Variants in TAOK2 observed in about 807,000 individuals in gnomAD.
The protein encoded by TAOK2 is TAO kinase 2.
In TAOK2, 42 loss-of-function variants were observed where a neutral mutation model predicts 122.5. The ratio of observed to expected loss-of-function variants is 0.34; its 90% CI spans 0.27 to 0.44. The LOEUF (loss-of-function observed/expected upper bound fraction) is 0.44, where lower values mean the gene tolerates loss of function less well. Among genes scored for constraint, TAOK2 ranks in the 20% least tolerant of loss-of-function variants. The pLI is 1.00. For missense variants in TAOK2, 1,264 were observed against 1,644.9 expected (o/e 0.77, Z 4.01); for synonymous variants, 704 against 677.6 (o/e 1.04, Z -0.61).
chr16:29,983,157 C>T lies in TAOK2; in HGVS notation c.1085C>T (p.Ser362Phe). Residue 362 changes from serine (S) to phenylalanine (F), a missense_variant, in exon 12 of 16, where the codon TCC becomes TTC. Around this residue, in one of 4 missense-constraint regions of TAOK2, gnomAD observed 254 missense variants for 503.8 expected, o/e 0.50. Transcript: ENST00000308893. ...GTGCCCAGCATGTCCATCAGCGCCT[C>T]CAGCCAGAGCAGCTCCGTCAACAGC... ...HSVPSMSISA[S>F]SQSSSVNSLA... 1 of 1,614,098 alleles carries T rather than the reference C, an allele frequency of 6.2e-7. No homozygotes were observed. The highest frequency in any genetic ancestry group is 8.5e-7 in the Non-Finnish European group (1 of 1,180,022).
chr16:29,978,719 G>C (rs1417353871), intron 4 of TAOK2, 80 bp from the exon 5 acceptor site: 1 of 1,539,870 alleles, frequency 6.5e-7, no homozygotes, highest in South Asian at 1.1e-5. Flanking sequence ...GACATAGCTT[G>C]AGTACAGGAC....
rs759153586 is a variant in TAOK2, at chr16:29,985,454, G to C, written c.1664G>C (p.Arg555Pro). Residue 555 changes from arginine to proline, a missense_variant, in exon 14 of 16, where the codon CGA (arginine) becomes CCA (proline). Transcript: ENST00000308893. This position sits in a 1 kb window ranked among gnomAD's most constrained non-coding sequence, Gnocchi z 6.9. ...RHQAIGEKEA[R>P]AAQAEERKFQ... ...CAGGCCATAGGTGAGAAGGAGGCAC[G>C]AGCTGCCCAGGCCGAGGAGCGGAAG... 6.2e-7 allele frequency: 1 copy of C among 1,611,856 alleles called. No individual in the cohort carries two copies. Among genetic ancestry groups the C allele is most frequent in the Non-Finnish European group, 8.5e-7 (1 of 1,179,102 alleles).
chr16:29,989,104 G>A (rs2069903758), downstream of TAOK2: 3 of 985,218 alleles, frequency 3.0e-6, no homozygotes, highest in East Asian at 1.1e-4. Context: ...CCTTAGTCGT[G>A]TTGCTTTCTT....
At position 29,986,850 on chromosome 16, in the gene TAOK2, A is replaced by C. The variant is rs745437107; in HGVS notation, c.2578A>C (p.Ser860Arg). 1.9e-6 allele frequency: 3 copies of C among 1,613,878 alleles called. No homozygotes were observed. Among genetic ancestry groups the C allele is most frequent in the Non-Finnish European group, 1.7e-6 (2 of 1,179,908 alleles). ...RVPSLVPQER[S>R]IVGQEEAGTW... ...GCCCTCCCTTGTACCCCAGGAGAGG[A>C]GCATTGTTGGCCAGGAGGAGGCTGG... The change falls in exon 16 of 16, where the codon AGC becomes CGC. Residue 860 changes from serine to arginine, a missense_variant. By Grantham distance (110) the Ser-to-Arg change is moderately radical. Transcript: ENST00000308893. This position sits in a 1 kb window ranked among gnomAD's most constrained non-coding sequence, Gnocchi z 4.2.
chr16:29,988,899 G>C, downstream of TAOK2: 1 of 985,392 alleles, frequency 1.0e-6, no homozygotes, highest in Non-Finnish European at 1.2e-6. Context: ...GGCCGGGCTG[G>C]AATGCGGATC....
In TAOK2 at chr16:29,985,434, C is replaced by T; in HGVS notation, c.1644C>T (p.Ala548=). The change falls in exon 14 of 16, where the codon GCC becomes GCT. Residue 548 remains alanine (A), a synonymous_variant. Transcript: ENST00000308893. This position sits in a 1 kb window ranked among gnomAD's most constrained non-coding sequence, Gnocchi z 6.9. ...AAAAGCTGGCCCGGCGGCACCAGGC[C>T]ATAGGTGAGAAGGAGGCACGAGCTG... The part of the protein sequence containing the change: ...EAEKLARRHQ[A]IGEKEARAAQ... The T allele has an allele frequency of 1.9e-6, 3 of 1,610,508 alleles. No individual in the cohort carries two copies. The highest frequency in any genetic ancestry group is 1.1e-5 in the South Asian group (1 of 90,766).
At chr16:29,983,873 T>G (rs1344168214) in intron 13 of TAOK2, among the ~76,000 whole-genome samples, 1 of 152,206 alleles carries the variant, frequency 6.6e-6, no homozygotes, top group East Asian at 1.9e-4. Flanking sequence ...TCTGGGTGTT[T>G]CTAGCTTGGC....
At chr16:29,984,175 C>T (rs781736033) in intron 13 of TAOK2, among the ~76,000 whole-genome samples, 5 of 152,214 alleles carry the variant, frequency 3.3e-5, no homozygotes, top group Non-Finnish European at 7.4e-5. Flanking sequence ...GCAGTTAGCT[C>T]TCAGGCTTAC....
downstream of TAOK2, chr16:29,991,220 T>G: frequency 6.2e-7 from 1 of 1,610,938 alleles, no homozygotes; most frequent in Non-Finnish European, 8.5e-7. This position sits in a 1 kb window ranked among gnomAD's most constrained non-coding sequence, Gnocchi z 5.6. Flanking sequence ...GCTATCCTGC[T>G]CCACCCCCTG....
At position 29,987,433 on chromosome 16, in the gene TAOK2, C is replaced by G; in HGVS notation, c.3161C>G (p.Pro1054Arg). Reference protein sequence around the residue: ...GLGAAWLLAWPGLALPLVAMA... With the variant: ...GLGAAWLLAWRGLALPLVAMA... Reference sequence around the variant, plus strand: ...GGAGCTGCCTGGCTCTTAGCTTGGCCAGGCCTAGCTCTACCTCTGGTGGCT... The same window carrying G: ...GGAGCTGCCTGGCTCTTAGCTTGGCGAGGCCTAGCTCTACCTCTGGTGGCT... Residue 1054 changes from proline to arginine, a missense_variant, in exon 16 of 16, where the codon CCA becomes CGA. Physicochemically the swap from Pro to Arg is moderately radical, Grantham distance 103. This residue lies in a region of TAOK2 where 824 missense variants were observed against 908.7 expected (regional missense o/e 0.91). Transcript: ENST00000308893. 1 of 1,603,640 alleles carries G rather than the reference C, an allele frequency of 6.2e-7. No individual in the cohort carries two copies. Among genetic ancestry groups the G allele is most frequent in the Non-Finnish European group, 8.5e-7 (1 of 1,173,456 alleles).
At position 29,973,911 on chromosome 16, in the gene TAOK2, C is replaced by T. The variant is rs556921647; in HGVS notation, c.-773C>T. ...AGGAAGAGGGAGAGGGAGACCGGGACGAGACCGGGGCTGTGGTGCGGAGAG... is the reference window on the plus strand; with the variant it reads ...AGGAAGAGGGAGAGGGAGACCGGGATGAGACCGGGGCTGTGGTGCGGAGAG... On this transcript the variant is annotated 5_prime_UTR_variant, in exon 1 of 16. The change creates a new upstream start codon in the 5' untranslated region. Transcript: ENST00000308893. The T allele has an allele frequency of 6.5e-6, 1 of 152,690 alleles. No individual in the cohort carries two copies. The highest frequency in any genetic ancestry group is 2.4e-5 in the African/African-American group (1 of 41,576). 9.5% of individuals were successfully genotyped at this position (152,690 alleles called of 1,614,324 possible). A position where few individuals can be genotyped will look rare whatever the true frequency, so the allele number is the denominator to read the frequency against.
intron 2 of TAOK2, 41 bp from the exon 3 acceptor site, chr16:29,978,048 T>G (rs373237917): frequency 2.1e-5 from 34 of 1,613,176 alleles, no homozygotes; most frequent in Non-Finnish European, 2.5e-5. Flanking sequence ...CATGCCCGGC[T>G]CTCAATGGGG....
rs1258777543 is a variant in TAOK2 at position 29,979,580 on chromosome 16, C to G, written c.655+72C>G. On this transcript the variant is annotated intron_variant, in intron 8 of 15. Transcript: ENST00000308893. The surrounding 1 kb of genome is among the most constrained non-coding windows in gnomAD (Gnocchi z 4.1). ...TGTTAGTTCCCAGACTCCGGACTAC[C>G]CCCTTCTCCTAGGGATGGGATCCCA... The G allele has an allele frequency of 2.4e-6, 3 of 1,243,544 alleles. No homozygotes were observed. The highest frequency in any genetic ancestry group is 3.1e-5 in the African/African-American group (2 of 65,526). The allele number at this position is 1,243,544 out of a possible 1,614,324, so 77.0% of individuals were successfully genotyped here.
At chr16:29,982,089 G>C (rs2069635998) in intron 10 of TAOK2, 149 bp downstream of exon 10, 1 of 641,280 alleles carries the variant, frequency 1.6e-6, no homozygotes, top group Non-Finnish European at 2.7e-6. Context: ...AGTGGACTCT[G>C]TGTTTTACAA....
Position 29,983,515 on chromosome 16 carries a change from C to T in TAOK2, c.1273C>T (p.Leu425=). The change falls in exon 13 of 16, where the codon CTA becomes TTA. Residue 425 remains leucine, a synonymous_variant. Transcript: ENST00000308893. ...TATCTCCCTCTAGGGCTCTGACAAC[C>T]TATATGATGACCCCTACCAGCCAGA... is the stretch of plus-strand genomic sequence containing the variant. The part of the protein sequence containing the change: ...IIHRLPGSDN[L]YDDPYQPEIT... The T allele has an allele frequency of 6.2e-7, 1 of 1,612,008 alleles. No individual in the cohort carries two copies. Among genetic ancestry groups the T allele is most frequent in the South Asian group, 1.1e-5 (1 of 90,900 alleles).
Position 29,987,472 on chromosome 16 carries a change from G to A in TAOK2, c.3200G>A (p.Gly1067Asp), listed in dbSNP as rs972217949. Residue 1067 changes from glycine (G) to aspartate (D), a missense_variant, in exon 16 of 16, where the codon GGC becomes GAC. Physicochemically the swap from Gly to Asp is moderately conservative, Grantham distance 94 (BLOSUM62 -1). Transcript: ENST00000308893. Reference protein sequence around the residue: ...ALPLVAMAAGGRWVRQQGPRV... With the variant: ...ALPLVAMAAGDRWVRQQGPRV... Reference sequence around the variant, plus strand: ...CCTCTGGTGGCTATGGCAGCGGGGGGCAGATGGGTGCGGCAGCAGGGCCCC... The same window carrying A: ...CCTCTGGTGGCTATGGCAGCGGGGGACAGATGGGTGCGGCAGCAGGGCCCC... The A allele has an allele frequency of 1.9e-6, 3 of 1,592,530 alleles. No individual in the cohort carries two copies. The highest frequency in any genetic ancestry group is 1.7e-5 in the Admixed American group (1 of 57,318).
chr16:29,989,154 C>G (rs1451705666), downstream of TAOK2: 2 of 985,208 alleles, frequency 2.0e-6, no homozygotes, highest in Non-Finnish European at 2.4e-6. Flanking sequence ...CGCTTGTTCT[C>G]GTGCACGTTC....
chr16:29,985,479 G>T lies in TAOK2; in HGVS notation c.1689G>T (p.Lys563Asn). ...EARAAQAEER[K>N]FQQHILGQQK... ...GAGCTGCCCAGGCCGAGGAGCGGAA[G>T]TTCCAGCAGCACATCCTTGGGCAGC... is the stretch of plus-strand genomic sequence containing the variant. The change falls in exon 14 of 16, where the codon AAG (lysine) becomes AAT (asparagine). Residue 563 changes from lysine (K) to asparagine (N), a missense_variant. Coordinates refer to ENST00000308893, the MANE Select transcript of TAOK2 (RefSeq NM_016151.4). The surrounding 1 kb of genome is among the most constrained non-coding windows in gnomAD (Gnocchi z 6.9). The T allele has an allele frequency of 6.2e-7, 1 of 1,613,290 alleles. No homozygotes were observed. Among genetic ancestry groups the T allele is most frequent in the Non-Finnish European group, 8.5e-7 (1 of 1,179,744 alleles).
In TAOK2 at chr16:29,987,852, A is replaced by G. The variant is rs1217977686; in HGVS notation, c.3580A>G (p.Ile1194Val). ...GCTTCGGGGTGAACGGCCCACCCGA[A>G]TCCCCCGGCTACTACCACGCAGCCA... ...GLLRGERPTR[I>V]PRLLPRSQRQ... Residue 1194 changes from isoleucine (I) to valine (V), a missense_variant, in exon 16 of 16, where the codon ATC becomes GTC. Physicochemically the swap from Ile to Val is conservative, Grantham distance 29. Transcript: ENST00000308893. The G allele has an allele frequency of 6.2e-7, 1 of 1,610,664 alleles. No homozygotes were observed. The highest frequency in any genetic ancestry group is 1.3e-5 in the African/African-American group (1 of 74,940).
Sources: allele counts gnomAD v4.1 joint callset (sites outside exome capture counted in the v4.1 genomes callset), GRCh38; gene constraint gnomAD v4.1.1; regional missense constraint gnomAD v4.1.1; non-coding constraint Gnocchi (gnomAD v3.1); transcripts MANE v1.5; gene names NCBI Gene and HGNC (gene_info 2026-07-23, HGNC 2026-07-21).